Variants in CHODL observed in about 807,000 individuals in gnomAD.
CHODL encodes chondrolectin.
CHODL carries 29 observed loss-of-function variants against 34.5 expected under a neutral mutation model. The ratio of observed to expected loss-of-function variants is 0.84; its 90% CI spans 0.63 to 1.15. The LOEUF (loss-of-function observed/expected upper bound fraction) is 1.15. Ranked by LOEUF, CHODL falls within the 50% of genes most tolerant of loss-of-function variation. The probability of loss-of-function intolerance (pLI) is 0.00; values close to 1 mark genes in which losing one functional copy is unlikely to be tolerated. For missense variants in CHODL, 332 were observed against 332.5 expected (o/e 1.00, Z 0.01); for synonymous variants, 125 against 116.1 (o/e 1.08, Z -0.49).
intron 1 of CHODL, among the ~76,000 whole-genome samples, chr21:18,245,553 G>C (rs1490088841): frequency 6.6e-6 from 1 of 152,170 alleles, no homozygotes; most frequent in Non-Finnish European, 1.5e-5. Flanking sequence ...GCTTCATTAC[G>C]AGCGGCATAG....
intron 2 of CHODL, among the ~76,000 whole-genome samples, chr21:18,085,952 G>C (rs1283642592): frequency 1.3e-5 from 2 of 149,590 alleles, no homozygotes; most frequent in Non-Finnish European, 3.0e-5. Context: ...GATTTTCTGA[G>C]CTTTTTATTC....
chr21:18,105,048 G>A (rs757681280), intron 2 of CHODL, among the ~76,000 whole-genome samples: 3 of 152,206 alleles, frequency 2.0e-5, no homozygotes, highest in Non-Finnish European at 2.9e-5. Flanking sequence ...GTAAGACTAA[G>A]GGAATATCTT....
At chr21:18,004,774 A>G (rs566507173) in intron 1 of CHODL, among the ~76,000 whole-genome samples, 1 of 152,296 alleles carries the variant, frequency 6.6e-6, no homozygotes, top group East Asian at 1.9e-4. Context: ...AATATGTAAA[A>G]CAGAAATGAT....
At position 18,165,922 on chromosome 21, in the gene CHODL, G is replaced by A. The variant is rs181244374; in HGVS notation, c.-44-90587G>A. On this transcript the variant is annotated intron_variant, in intron 2 of 6. Coordinates refer to the CHODL transcript ENST00000400127. ...TTGTTCTTAACTTAGAATGTATACT[G>A]GCTTTCTGTTCTATATTACAAGTTA... is the stretch of plus-strand genomic sequence containing the variant. Among the ~76,000 whole-genome samples the A allele has an allele frequency of 2.6e-5, 4 of 152,170 alleles. No homozygotes were observed. In the East Asian group the frequency reaches 7.7e-4, roughly 29 times the overall value.
chr21:18,015,046 GGTTAAATCGTTGTATACAAAATGCTGATA>G (rs2064059251), intron 1 of CHODL, among the ~76,000 whole-genome samples: 1 of 152,140 alleles, frequency 6.6e-6, no homozygotes, highest in Non-Finnish European at 1.5e-5. Flanking sequence ...CTTAGAGACT[GGTTAAATCGTTGTATACAAAATGCTGATA>G]GTGACATGGA....
intron 1 of CHODL, among the ~76,000 whole-genome samples, chr21:17,949,329 T>C (rs2063437517): frequency 6.6e-6 from 1 of 152,202 alleles, no homozygotes; most frequent in African/African-American, 2.4e-5. Flanking sequence ...TGCAAGCTAA[T>C]TATGTCACAT....
In CHODL at chr21:18,232,943, A is replaced by ATT. The variant is rs1491493925; in HGVS notation, c.-44-23565_-44-23564insTT. 1.8e-4 allele frequency among the ~76,000 whole-genome samples: 6 copies of ATT among 33,938 alleles called. No homozygotes were observed. In the Admixed American group the frequency reaches 1.9e-3, roughly 11 times the overall value. The allele number at this position is 33,938 out of a possible 152,430, so 22.3% of individuals were successfully genotyped here. ...ATTATGGGGTCCACATGATGTTATG[A>ATT]TATATATATATATATATATATATAT... On this transcript the variant is annotated intron_variant, in intron 2 of 6. Transcript: ENST00000400127.
At chr21:18,083,996 GCT>G (rs2064973323) in intron 2 of CHODL, among the ~76,000 whole-genome samples, 1 of 152,078 alleles carries the variant, frequency 6.6e-6, no homozygotes, top group African/African-American at 2.4e-5. Context: ...ATGTGGTTTC[GCT>G]CTGTGTCCCC....
At chr21:18,182,254 T>C (rs146089940) in intron 2 of CHODL, among the ~76,000 whole-genome samples, 98 of 152,208 alleles carry the variant, frequency 6.4e-4, no homozygotes, top group African/African-American at 2.2e-3. Context: ...AGTAAAAAAT[T>C]TGAGGTTCAG....
At chr21:17,927,068 A>G (rs2063230625) in intron 1 of CHODL, among the ~76,000 whole-genome samples, 1 of 150,534 alleles carries the variant, frequency 6.6e-6, no homozygotes, top group African/African-American at 2.4e-5. Context: ...ATATGTATGT[A>G]TATGTATATC....
chr21:17,958,122 C>T (rs1409304605), intron 1 of CHODL, among the ~76,000 whole-genome samples: 1 of 152,094 alleles, frequency 6.6e-6, no homozygotes, highest in Non-Finnish European at 1.5e-5. Flanking sequence ...CATTTCCTGT[C>T]ATTGTTTCCT....
chr21:18,118,544 A>C (rs899845935), intron 2 of CHODL, among the ~76,000 whole-genome samples: 2 of 152,232 alleles, frequency 1.3e-5, no homozygotes, highest in African/African-American at 4.8e-5. Context: ...AGCAGTAGCC[A>C]ATACTGTAAT....
intron 2 of CHODL, among the ~76,000 whole-genome samples, chr21:18,098,221 A>T (rs1250518365): frequency 1.3e-5 from 2 of 152,086 alleles, no homozygotes. Context: ...GGATCATATC[A>T]AGTTAAAAAG....
Position 18,006,428 on chromosome 21 carries a change from A to C in CHODL, c.-144-21444A>C, listed in dbSNP as rs151181561. ...TTCCACCCCAGATGGAAACTAACAA[A>C]GATCTTCTCACCTATCTACATTACT... is the stretch of plus-strand genomic sequence containing the variant. On this transcript the variant is annotated intron_variant, in intron 1 of 6. Coordinates refer to the CHODL transcript ENST00000400127. Among the ~76,000 whole-genome samples, 323 of 152,282 alleles carry C rather than the reference A, an allele frequency of 2.1e-3. 1 individual carries two copies. Among genetic ancestry groups the C allele is most frequent in the African/African-American group, 7.4e-3 (309 of 41,554 alleles).
chr21:18,266,134 A>G lies in CHODL; in HGVS notation c.*96A>G, dbSNP rs777304958. The G allele has an allele frequency of 5.6e-6, 9 of 1,603,816 alleles. No individual in the cohort carries two copies. In the South Asian group the frequency reaches 8.9e-5, roughly 16 times the overall value. ...TTGGAATGGCTTGAAATCACAAAGG[A>G]TCTGCAAGATGAACTGTAAGCTCCC... On this transcript the variant is annotated 3_prime_UTR_variant, in exon 6 of 6. Transcript: ENST00000299295.
At chr21:17,973,943 A>T (rs2063640411) in intron 1 of CHODL, among the ~76,000 whole-genome samples, 1 of 152,150 alleles carries the variant, frequency 6.6e-6, no homozygotes, top group African/African-American at 2.4e-5. Context: ...AAATGTATGT[A>T]CTGGGGAAAT....
intron 1 of CHODL, among the ~76,000 whole-genome samples, chr21:17,963,446 A>C (rs76275866): frequency 0.031 from 4,781 of 152,350 alleles, 101 homozygotes; most frequent in Non-Finnish European, 0.052. Flanking sequence ...GTGGCCTTAC[A>C]ATCGTGGCTG....
At chr21:18,241,215 T>C (rs1457006986), upstream of CHODL, among the ~76,000 whole-genome samples, 1 of 151,788 alleles carries the variant, frequency 6.6e-6, no homozygotes, top group Non-Finnish European at 1.5e-5. Context: ...TTCAATGCTG[T>C]CTTACTGGAA....
intron 5 of CHODL, among the ~76,000 whole-genome samples, chr21:18,265,611 A>G (rs971657280): frequency 6.6e-6 from 1 of 152,108 alleles, no homozygotes; most frequent in Non-Finnish European, 1.5e-5. Flanking sequence ...AAATTTCACA[A>G]ATCACCACTA....
Sources: gnomAD v4.1 joint callset for allele counts (sites outside exome capture counted in the v4.1 genomes callset) on GRCh38, gnomAD v4.1.1 for gene constraint, MANE v1.5 for transcripts, NCBI Gene and HGNC (gene_info 2026-07-23, HGNC 2026-07-21) for gene names.